GSE1: variants seen among roughly 807,000 people sequenced by gnomAD.
GSE1 encodes the protein Gse1 coiled-coil protein.
In GSE1, 32 loss-of-function variants were observed where a neutral mutation model predicts 112.6. That is an observed-to-expected ratio of 0.28 (90% CI 0.21 to 0.38). GSE1 has a LOEUF of 0.38. GSE1 is among the 10% of genes least tolerant of loss of function. The probability of loss-of-function intolerance (pLI) is 1.00; values close to 1 mark genes in which losing one functional copy is unlikely to be tolerated. For synonymous variants in GSE1, 1,115 were observed against 735.6 expected (o/e 1.52, Z -8.35); for missense variants, 2,348 against 1,699.2 (o/e 1.38, Z -6.71).
chr16:85,625,225 C>T (rs913503537), intron 1 of GSE1, among the ~76,000 whole-genome samples: 20 of 152,228 alleles, frequency 1.3e-4, no homozygotes, highest in African/African-American at 4.8e-4. Context: ...TCTGCCCGGC[C>T]TGCTTCTCCG....
chr16:85,670,400 G>C (rs538809663), intron 14 of GSE1, among the ~76,000 whole-genome samples: 12 of 151,730 alleles, frequency 7.9e-5, no homozygotes, highest in African/African-American at 2.4e-4. Context: ...TCTTGATGTT[G>C]CTCCATCCTT....
intron 2 of GSE1, among the ~76,000 whole-genome samples, chr16:85,536,835 G>C (rs942366890): frequency 4.6e-5 from 7 of 152,244 alleles, no homozygotes; most frequent in African/African-American, 1.4e-4. Flanking sequence ...AAAGGGATGG[G>C]GCTGCTGTCA....
chr16:85,607,360 C>G (rs1399202486), upstream of GSE1, among the ~76,000 whole-genome samples: 1 of 152,234 alleles, frequency 6.6e-6, no homozygotes, highest in Non-Finnish European at 1.5e-5. Flanking sequence ...TTTACTCCCT[C>G]TCCCGCCCGC....
chr16:85,390,706 C>A (rs2047819824), intron 2 of GSE1, among the ~76,000 whole-genome samples: 1 of 114,528 alleles, frequency 8.7e-6, no homozygotes, highest in Non-Finnish European at 2.0e-5. Context: ...TGTTCTGCCC[C>A]CCCCACCCCT....
At chr16:85,635,356 G>GA (rs1229157719) in intron 2 of GSE1, among the ~76,000 whole-genome samples, 1 of 152,204 alleles carries the variant, frequency 6.6e-6, no homozygotes, top group African/African-American at 2.4e-5. Context: ...AGGACCGCCA[G>GA]AAAACCCTCC....
At chr16:85,376,107 C>G (rs1056494526) in intron 2 of GSE1, among the ~76,000 whole-genome samples, 25 of 152,172 alleles carry the variant, frequency 1.6e-4, no homozygotes, top group African/African-American at 5.8e-4. Context: ...GTCCTCACCC[C>G]CGCCAAAGAA....
chr16:85,198,431 T>A (rs1220385189), intron 1 of GSE1, among the ~76,000 whole-genome samples: 1 of 152,008 alleles, frequency 6.6e-6, no homozygotes, highest in Non-Finnish European at 1.5e-5. Context: ...CTAGCTGTGG[T>A]CAACACAGAC....
chr16:85,434,318 A>T (rs1320478027), intron 2 of GSE1, among the ~76,000 whole-genome samples: 2 of 141,064 alleles, frequency 1.4e-5, no homozygotes, highest in African/African-American at 5.4e-5. Flanking sequence ...TAATAATAAT[A>T]ATAATAATAA....
intron 1 of GSE1, among the ~76,000 whole-genome samples, chr16:85,256,206 C>CG: frequency 6.9e-6 from 1 of 144,128 alleles, no homozygotes; most frequent in African/African-American, 2.5e-5. Context: ...CGGACAGCAC[C>CG]GGGGGGTGGA....
At chr16:85,243,694 G>GC (rs1567634116) in intron 1 of GSE1, among the ~76,000 whole-genome samples, 1 of 152,258 alleles carries the variant, frequency 6.6e-6, no homozygotes, top group African/African-American at 2.4e-5. Flanking sequence ...TGGCAGGTGA[G>GC]CATGTGTGTG....
At chr16:85,558,490 GA>G (rs1422032785) in intron 1 of GSE1, among the ~76,000 whole-genome samples, 1 of 152,344 alleles carries the variant, frequency 6.6e-6, no homozygotes, top group South Asian at 2.1e-4. Context: ...GGGAGACTCA[GA>G]AAGAGGAGGA....
At chr16:85,611,404 G>T (rs1363085884), upstream of GSE1, 1 of 937,696 alleles carries the variant, frequency 1.1e-6, no homozygotes, top group Non-Finnish European at 1.3e-6. Flanking sequence ...CCGCGCGGCC[G>T]AGCCACCGTG....
intron 1 of GSE1, among the ~76,000 whole-genome samples, chr16:85,297,798 ACT>A (rs1200157391): frequency 6.6e-6 from 1 of 152,212 alleles, no homozygotes; most frequent in African/African-American, 2.4e-5. Context: ...GACGTGAGCC[ACT>A]GCACCTGGCC....
At chr16:85,240,383 A>G (rs1421344933) in intron 1 of GSE1, among the ~76,000 whole-genome samples, 1 of 152,138 alleles carries the variant, frequency 6.6e-6, no homozygotes, top group African/African-American at 2.4e-5. Flanking sequence ...CTCAGGGTAG[A>G]CCAGACCCCC....
intron 1 of GSE1, among the ~76,000 whole-genome samples, chr16:85,243,906 C>T (rs1257805553): frequency 1.3e-5 from 2 of 152,156 alleles, no homozygotes; most frequent in Non-Finnish European, 2.9e-5. Context: ...GTGGGCGGAT[C>T]ACCTGAAGTC....
At chr16:85,660,978 A>T (rs530598995) in intron 8 of GSE1, among the ~76,000 whole-genome samples, 168 bp from the exon 9 acceptor site, 1 of 152,124 alleles carries the variant, frequency 6.6e-6, no homozygotes, top group Non-Finnish European at 1.5e-5. Context: ...GACAGAAACA[A>T]TGATCCTTGG....
At chr16:85,584,452 A>T (rs540375340) in intron 1 of GSE1, among the ~76,000 whole-genome samples, 80 of 152,086 alleles carry the variant, frequency 5.3e-4, no homozygotes, top group African/African-American at 1.9e-3. Context: ...AGTAATTTAC[A>T]CTCTCCGGGT....
At chr16:85,246,401 G>C (rs1905768545) in intron 1 of GSE1, among the ~76,000 whole-genome samples, 1 of 27,230 alleles carries the variant, frequency 3.7e-5, no homozygotes, top group African/African-American at 1.8e-4. Context: ...CCCACACGCT[G>C]TCTACACACA....
chr16:85,584,846 C>T (rs1372915144), intron 1 of GSE1, among the ~76,000 whole-genome samples: 1 of 152,084 alleles, frequency 6.6e-6, no homozygotes, highest in Admixed American at 6.5e-5. Context: ...AGGATGGAAA[C>T]GCGTGCCAAG....
Sources: allele counts gnomAD v4.1 joint callset (sites outside exome capture counted in the v4.1 genomes callset), GRCh38; gene constraint gnomAD v4.1.1; transcripts MANE v1.5; gene names NCBI Gene and HGNC (gene_info 2026-07-23, HGNC 2026-07-21).